Variants in TACC2 observed in about 807,000 individuals in gnomAD.
TACC2 encodes the protein transforming acidic coiled-coil-containing protein 2.
In TACC2, 137 loss-of-function variants were observed where a neutral mutation model predicts 227.3. The observed-to-expected ratio is 0.60, with a 90% confidence interval of 0.52 to 0.69. TACC2 has a LOEUF of 0.69. Ranked by LOEUF, TACC2 falls within the 30% of genes least tolerant of loss-of-function variation. The pLI, the probability that TACC2 is intolerant of heterozygous loss-of-function variation, is 0.00. For missense variants in TACC2, 3,470 were observed against 3,694.4 expected (o/e 0.94, Z 1.57); for synonymous variants, 1,523 against 1,487.5 (o/e 1.02, Z -0.55).
chr10:122,086,707 A>G lies in TACC2; in HGVS notation c.4207A>G (p.Thr1403Ala), dbSNP rs529950167. 8 of 1,613,942 alleles carry G rather than the reference A, an allele frequency of 5.0e-6. No individual in the cohort carries two copies. Among genetic ancestry groups the G allele is most frequent in the South Asian group, 4.4e-5 (4 of 91,076 alleles). Reference sequence around the variant, plus strand: ...AAGCTCTGAGCAAATCGCCACCCTCACTGGCTTCCCAGACTTCAGGGAGCA... The same window carrying G: ...AAGCTCTGAGCAAATCGCCACCCTCGCTGGCTTCCCAGACTTCAGGGAGCA... ...DTSSEQIATL[T>A]GFPDFREHIA... is the part of the protein sequence containing the mutation. Residue 1403 changes from threonine to alanine, a missense_variant, in exon 4 of 23, where the codon ACT becomes GCT. By Grantham distance (58) the Thr-to-Ala change is moderately conservative. Transcript: ENST00000369005.
At chr10:122,023,778 G>A (rs537420764) in intron 2 of TACC2, 6 of 135,472 alleles carry the variant, frequency 4.4e-5, no homozygotes, top group African/African-American at 1.7e-4. Context: ...ATGTACCCTA[G>A]AACTTAAAGT....
intron 10 of TACC2, among the ~76,000 whole-genome samples, chr10:122,215,682 T>C (rs1226355360): frequency 6.6e-6 from 1 of 152,140 alleles, no homozygotes; most frequent in Non-Finnish European, 1.5e-5. Flanking sequence ...AAAACATTAG[T>C]TGGGCTCTGG....
Position 122,230,338 on chromosome 10 carries a change from T to C in TACC2, c.8038-13T>C, listed in dbSNP as rs1221587099. On this transcript the variant is annotated splice_polypyrimidine_tract_variant and intron_variant, in intron 15 of 22. Transcript: ENST00000369005. Reference sequence around the variant, plus strand: ...GCATTTCCCTGCGGTTTGCCCACACTCCCTGTGGGCAGGAGGAGTTAGAGT... The same window carrying C: ...GCATTTCCCTGCGGTTTGCCCACACCCCCTGTGGGCAGGAGGAGTTAGAGT... 1 of 1,604,240 alleles carries C rather than the reference T, an allele frequency of 6.2e-7. No homozygotes were observed. Among genetic ancestry groups the C allele is most frequent in the East Asian group, 2.2e-5 (1 of 44,820 alleles).
chr10:122,071,978 CT>C (rs200019377), intron 3 of TACC2, among the ~76,000 whole-genome samples: 35,833 of 101,172 alleles, frequency 0.35, 4,220 homozygotes, highest in Non-Finnish European at 0.44. Context: ...CCCAATAACT[CT>C]TTTTTTTTTT....
At chr10:122,187,316 T>G (rs1593089805) in intron 7 of TACC2, among the ~76,000 whole-genome samples, 1 of 152,108 alleles carries the variant, frequency 6.6e-6, no homozygotes, top group Non-Finnish European at 1.5e-5. Flanking sequence ...TACCCGGAGC[T>G]CGCCCTTTCT....
At chr10:122,171,177 C>T (rs564133167) in intron 7 of TACC2, among the ~76,000 whole-genome samples, 12 of 152,184 alleles carry the variant, frequency 7.9e-5, no homozygotes, top group East Asian at 3.8e-4. Flanking sequence ...TGGGCCTCCC[C>T]GCAGGTTTTG....
chr10:122,083,256 C>T lies in TACC2; in HGVS notation c.756C>T (p.Ala252=). The T allele has an allele frequency of 1.2e-6, 2 of 1,613,622 alleles. No individual in the cohort carries two copies. The highest frequency in any genetic ancestry group is 1.7e-6 in the Non-Finnish European group (2 of 1,179,966). The change falls in exon 4 of 23, where the codon GCC becomes GCT. Residue 252 remains alanine, a synonymous_variant. Transcript: ENST00000369005. ...CTTCTGTGCAAGTGACCCCTGAGGC[C>T]CCTGCTGCAGCCCAGCAGGGCACAG... ...GVASVQVTPE[A]PAAAQQGTES...
intron 5 of TACC2, among the ~76,000 whole-genome samples, chr10:122,131,046 C>T (rs1323714554): frequency 2.6e-5 from 4 of 152,034 alleles, no homozygotes; most frequent in Admixed American, 2.6e-4. Flanking sequence ...GGCAAGGTGG[C>T]CCACGCCTAT....
intron 9 of TACC2, 103 bp downstream of exon 9, chr10:122,211,811 C>T (rs2095299851): frequency 9.8e-7 from 1 of 1,017,166 alleles, no homozygotes; most frequent in South Asian, 1.8e-5. Flanking sequence ...CTAACCTTGC[C>T]CCTGGGTGCT....
intron 7 of TACC2, among the ~76,000 whole-genome samples, chr10:122,162,949 G>A (rs543709381): frequency 6.6e-6 from 1 of 152,220 alleles, no homozygotes; most frequent in South Asian, 2.1e-4. Flanking sequence ...TTGGCTTTGT[G>A]GAGCTCATTT....
chr10:122,049,163 A>G (rs2075386418), intron 2 of TACC2, among the ~76,000 whole-genome samples: 1 of 152,106 alleles, frequency 6.6e-6, no homozygotes, highest in East Asian at 1.9e-4. Context: ...GCTTGTACCC[A>G]CCTGCTAAGG....
intron 7 of TACC2, among the ~76,000 whole-genome samples, chr10:122,149,928 G>A (rs1297249494): frequency 6.6e-6 from 1 of 152,198 alleles, no homozygotes; most frequent in Non-Finnish European, 1.5e-5. Flanking sequence ...CCACGTCACC[G>A]GCCGGTGAGA....
intron 8 of TACC2, among the ~76,000 whole-genome samples, chr10:122,203,941 C>T (rs2094996366): frequency 6.6e-6 from 1 of 151,996 alleles, no homozygotes; most frequent in African/African-American, 2.4e-5. Flanking sequence ...GGATCACTCG[C>T]GGTTAGGGGC....
intron 7 of TACC2, among the ~76,000 whole-genome samples, chr10:122,158,207 G>A (rs2092605844): frequency 6.6e-6 from 1 of 152,034 alleles, no homozygotes; most frequent in Admixed American, 6.6e-5. Flanking sequence ...GGGCAGCATG[G>A]TGAAACCCCA....
At chr10:122,107,876 A>ATTTTTTTTTT (rs1464725854) in intron 5 of TACC2, among the ~76,000 whole-genome samples, 4 of 85,578 alleles carry the variant, frequency 4.7e-5, no homozygotes, top group Non-Finnish European at 6.9e-5. Context: ...ATATATATAT[A>ATTTTTTTTTT]TATATTTTTT....
rs779595950 is a variant in TACC2, at chr10:122,088,549, A to C, written c.5531A>C (p.Lys1844Thr). ...AAGGATGCTCCAAGAGTCATGGATA[A>C]AGTCACTTCAGATGAGACCAGAGGT... ...PKKDAPRVMDKVTSDETRGAE... is the reference protein window; with the variant it reads ...PKKDAPRVMDTVTSDETRGAE... The change falls in exon 5 of 23, where the codon AAA (lysine) becomes ACA (threonine). Residue 1844 changes from lysine (K) to threonine (T), a missense_variant. By Grantham distance (78) the Lys-to-Thr change is moderately conservative. This residue lies in a region of TACC2 where 1,924 missense variants were observed against 1,978.3 expected (regional missense o/e 0.97). Transcript: ENST00000369005. 2 of 1,613,880 alleles carry C rather than the reference A, an allele frequency of 1.2e-6. No homozygotes were observed. The highest frequency in any genetic ancestry group is 8.5e-7 in the Non-Finnish European group (1 of 1,179,940).
intron 2 of TACC2, among the ~76,000 whole-genome samples, chr10:122,025,106 G>A (rs528887819): frequency 6.6e-6 from 1 of 152,262 alleles, no homozygotes; most frequent in East Asian, 1.9e-4. Flanking sequence ...TATTCTGATA[G>A]GTGTGTTGTA....
At chr10:122,146,593 C>T (rs1484924498) in intron 7 of TACC2, among the ~76,000 whole-genome samples, 2 of 152,142 alleles carry the variant, frequency 1.3e-5, no homozygotes, top group Admixed American at 6.5e-5. Flanking sequence ...ATACCCTGAA[C>T]CACCTCTGTA....
At chr10:122,225,258 G>A (rs918874904) in intron 12 of TACC2, among the ~76,000 whole-genome samples, 1 of 152,210 alleles carries the variant, frequency 6.6e-6, no homozygotes, top group African/African-American at 2.4e-5. Flanking sequence ...TATTCCAAGG[G>A]TGACCTCTTG....
Sources: gnomAD v4.1 joint callset for allele counts (sites outside exome capture counted in the v4.1 genomes callset) on GRCh38, gnomAD v4.1.1 for gene constraint, gnomAD v4.1.1 regional missense constraint, MANE v1.5 for transcripts, NCBI Gene and HGNC (gene_info 2026-07-23, HGNC 2026-07-21) for gene names.